The following CALN1 variants were observed in gnomAD, a reference collection of about 807,000 sequenced individuals.
CALN1 encodes the protein calcium-binding protein 8.
CALN1 carries 17 observed loss-of-function variants against 30.6 expected under a neutral mutation model. That is an observed-to-expected ratio of 0.56 (90% confidence interval 0.38 to 0.83). The LOEUF is 0.83. Among genes scored for constraint, CALN1 ranks in the 40% least tolerant of loss-of-function variants. The pLI, the probability that CALN1 is intolerant of heterozygous loss-of-function variation, is 0.00. For synonymous variants in CALN1, 156 were observed against 131.4 expected, an observed-to-expected ratio of 1.19 and a Z score of -1.28; for missense variants, 291 against 354.9, an observed-to-expected ratio of 0.82 and a Z score of 1.45.
chr7:72,297,602 A>G (rs931896692), intron 2 of CALN1, among the ~76,000 whole-genome samples: 2 of 152,358 alleles, frequency 1.3e-5, no homozygotes, highest in East Asian at 1.9e-4. Flanking sequence ...AAACCTTGAC[A>G]TAACACTTTG....
intron 4 of CALN1, among the ~76,000 whole-genome samples, chr7:72,024,860 C>A (rs533434040): frequency 1.4e-4 from 22 of 152,316 alleles, no homozygotes; most frequent in Non-Finnish European, 3.2e-4. Flanking sequence ...GGGATGCCTT[C>A]CCTCACTTGT....
At chr7:71,955,886 G>A (rs1042809073) in intron 5 of CALN1, among the ~76,000 whole-genome samples, 4 of 152,030 alleles carry the variant, frequency 2.6e-5, no homozygotes, top group African/African-American at 4.8e-5. Context: ...TTGAAAAGCC[G>A]CTATTTAGTC....
intron 3 of CALN1, among the ~76,000 whole-genome samples, chr7:72,276,355 A>G (rs1797332225): frequency 6.6e-6 from 1 of 152,052 alleles, no homozygotes; most frequent in African/African-American, 2.4e-5. Context: ...TCCCAAACAC[A>G]CCTGCTATGA....
intron 3 of CALN1, among the ~76,000 whole-genome samples, chr7:72,208,163 G>T (rs1005313062): frequency 1.7e-4 from 26 of 152,156 alleles, no homozygotes; most frequent in African/African-American, 5.8e-4. Flanking sequence ...TTTTAATTTA[G>T]CTATTTAATA....
intron 3 of CALN1, among the ~76,000 whole-genome samples, chr7:72,237,861 C>T (rs976836680): frequency 1.3e-5 from 2 of 152,182 alleles, no homozygotes; most frequent in East Asian, 1.9e-4. Flanking sequence ...AGGAGTGCCC[C>T]AGAAATGTTA....
chr7:72,121,845 T>C (rs1808417353), intron 3 of CALN1, among the ~76,000 whole-genome samples: 1 of 147,824 alleles, frequency 6.8e-6, no homozygotes, highest in Non-Finnish European at 1.5e-5. Flanking sequence ...CTGTTTATCA[T>C]TATAATATCT....
intron 3 of CALN1, among the ~76,000 whole-genome samples, chr7:72,215,336 G>A (rs1792709101): frequency 6.6e-6 from 1 of 152,272 alleles, no homozygotes; most frequent in South Asian, 2.1e-4. Flanking sequence ...GCTCACGCCT[G>A]TAATCCCAGC....
rs902154829 is a variant in CALN1, at chr7:71,968,512, C to A, written c.501+55145G>T. On this transcript the variant is annotated intron_variant, in intron 5 of 6. Coordinates refer to ENST00000395275, the MANE Select transcript of CALN1 (RefSeq NM_031468.4). Reference sequence around the variant, plus strand: ...ATGGTGCAATGTTGGCTAACTGCACCCTCCGCCTGCCGGGTTCCAGCAATT... The same window carrying A: ...ATGGTGCAATGTTGGCTAACTGCACACTCCGCCTGCCGGGTTCCAGCAATT... Among the ~76,000 whole-genome samples the A allele has an allele frequency of 4.0e-5, 6 of 151,864 alleles. No homozygotes were observed. The East Asian group carries it at 1.2e-3, about 30-fold the overall frequency.
At chr7:72,285,897 A>G (rs1798050338) in intron 2 of CALN1, among the ~76,000 whole-genome samples, 1 of 152,202 alleles carries the variant, frequency 6.6e-6, no homozygotes, top group Non-Finnish European at 1.5e-5. Context: ...TACCAGACAT[A>G]CAAGGGGCAA....
intron 3 of CALN1, among the ~76,000 whole-genome samples, chr7:72,275,929 A>G (rs1914385): frequency 0.18 from 27,965 of 152,098 alleles, 3,512 homozygotes; most frequent in East Asian, 0.43. Context: ...GCACCCCCAC[A>G]GTAGCCCTGA....
At chr7:72,191,722 G>A (rs1225765490) in intron 3 of CALN1, among the ~76,000 whole-genome samples, 1 of 152,020 alleles carries the variant, frequency 6.6e-6, no homozygotes, top group Non-Finnish European at 1.5e-5. Flanking sequence ...AATTCCCACA[G>A]ACCTAGTGGC....
At chr7:72,480,713 A>C in the CALN1 span, among the ~76,000 whole-genome samples, 1 of 152,164 alleles carries the variant, frequency 6.6e-6, no homozygotes, top group Non-Finnish European at 1.5e-5. Context: ...TTCACTAGAC[A>C]TAGGGTTTTT....
At chr7:72,203,834 G>T (rs1034682330) in intron 3 of CALN1, among the ~76,000 whole-genome samples, 1 of 151,906 alleles carries the variant, frequency 6.6e-6, no homozygotes, top group Non-Finnish European at 1.5e-5. Context: ...AAGTGCAAAA[G>T]TCATACTAGC....
At chr7:71,823,538 T>C (rs967846734) in intron 5 of CALN1, among the ~76,000 whole-genome samples, 2 of 151,774 alleles carry the variant, frequency 1.3e-5, no homozygotes, top group Non-Finnish European at 2.9e-5. Context: ...GCCAATATGG[T>C]GAAACCCCGT....
At chr7:71,910,797 C>G (rs935560271) in intron 5 of CALN1, among the ~76,000 whole-genome samples, 1 of 152,144 alleles carries the variant, frequency 6.6e-6, no homozygotes, top group African/African-American at 2.4e-5. Context: ...GCTTGTTTCT[C>G]GAACTGTCCT....
At chr7:72,066,236 C>T (rs945652026) in intron 4 of CALN1, among the ~76,000 whole-genome samples, 4 of 152,230 alleles carry the variant, frequency 2.6e-5, no homozygotes, top group African/African-American at 7.2e-5. Context: ...TTCCATCAGG[C>T]ACTGGCTTCA....
intron 3 of CALN1, among the ~76,000 whole-genome samples, chr7:72,152,504 T>C (rs2129544257): frequency 6.6e-6 from 1 of 152,292 alleles, no homozygotes; most frequent in East Asian, 1.9e-4. Context: ...ATCTGATGAC[T>C]AGTGACCAGT....
intron 2 of CALN1, among the ~76,000 whole-genome samples, chr7:72,343,632 C>T (rs1802483297): frequency 6.6e-6 from 1 of 151,756 alleles, no homozygotes; most frequent in South Asian, 2.1e-4. Flanking sequence ...AGTGGAAAAA[C>T]AGAAAATGCC....
chr7:71,913,058 C>T (rs1352115946), intron 5 of CALN1, among the ~76,000 whole-genome samples: 1 of 152,112 alleles, frequency 6.6e-6, no homozygotes, highest in African/African-American at 2.4e-5. Context: ...TGATGAGCTG[C>T]GAGTGTTTAT....
Sources: allele counts gnomAD v4.1 joint callset (sites outside exome capture counted in the v4.1 genomes callset), GRCh38; gene constraint gnomAD v4.1.1; transcripts MANE v1.5; gene names NCBI Gene and HGNC (gene_info 2026-07-23, HGNC 2026-07-21).